The following PPP1R16B variants were observed in gnomAD, a reference collection of about 807,000 sequenced individuals.
PPP1R16B encodes the protein protein phosphatase 1 regulatory subunit 16B, also known as protein phosphatase 1 regulatory inhibitor subunit 16B.
Under a neutral mutation model 61.7 loss-of-function variants are expected in PPP1R16B, and 14 were observed. The ratio of observed to expected loss-of-function variants is 0.23; its 90% CI spans 0.15 to 0.35. PPP1R16B has a LOEUF of 0.35. Among genes scored for constraint, PPP1R16B ranks in the 10% least tolerant of loss-of-function variants. The pLI is 1.00. For missense variants in PPP1R16B, 547 were observed against 752.5 expected (o/e 0.73, Z 3.19); for synonymous variants, 266 against 305.3 (o/e 0.87, Z 1.34).
intron 2 of PPP1R16B, among the ~76,000 whole-genome samples, chr20:38,849,055 T>C (rs1179666387): frequency 6.6e-6 from 1 of 152,250 alleles, no homozygotes; most frequent in African/African-American, 2.4e-5. Flanking sequence ...CACATGTCTC[T>C]GTTAAGCATG....
At chr20:38,874,808 G>A (rs758185117) in intron 2 of PPP1R16B, among the ~76,000 whole-genome samples, 6 of 152,174 alleles carry the variant, frequency 3.9e-5, no homozygotes, top group Non-Finnish European at 8.8e-5. Flanking sequence ...GGGTATTGGA[G>A]CCTCTTACCA....
At position 38,896,157 on chromosome 20, in the gene PPP1R16B, C is replaced by T. The variant is rs1443268693; in HGVS notation, c.467+447C>T. Among the ~76,000 whole-genome samples the T allele has an allele frequency of 1.2e-4, 11 of 92,978 alleles. 1 individual carries two copies. The highest frequency in any genetic ancestry group is 6.8e-4 in the Admixed American group (6 of 8,862). The allele number at this position is 92,978 out of a possible 152,430, so 61.0% of individuals were successfully genotyped here. On this transcript the variant is annotated intron_variant, in intron 4 of 10. Coordinates refer to ENST00000299824, the MANE Select transcript of PPP1R16B (RefSeq NM_015568.4). The stretch of plus-strand genomic sequence containing the variant: ...CTCCCTCCTTTCCTTCTTTCTTCCT[C>T]CCTCCCTTCCTTCCTTCTTTCTTCC...
intron 2 of PPP1R16B, among the ~76,000 whole-genome samples, chr20:38,887,736 G>C (rs139312593): frequency 6.6e-6 from 1 of 152,248 alleles, no homozygotes; most frequent in Non-Finnish European, 1.5e-5. Context: ...GGATCTGACC[G>C]TACTGGACAA....
chr20:38,906,022 C>A lies in PPP1R16B; in HGVS notation c.750C>A (p.Asp250Glu). 6.2e-7 allele frequency: 1 copy of A among 1,613,242 alleles called. No homozygotes were observed. The highest frequency in any genetic ancestry group is 2.2e-5 in the East Asian group (1 of 44,826). The change falls in exon 7 of 11, where the codon GAC becomes GAA. Residue 250 changes from aspartate (D) to glutamate (E), a missense_variant. Asp to Glu is a conservative substitution (Grantham distance 45, BLOSUM62 2). Coordinates refer to ENST00000299824, the MANE Select transcript of PPP1R16B (RefSeq NM_015568.4). ...TGCGGGCAGCTGAGCTCCTCCTGGACCATGGAGTGCGTGTGGATGTGAAGG... is the reference window on the plus strand; with the variant it reads ...TGCGGGCAGCTGAGCTCCTCCTGGAACATGGAGTGCGTGTGGATGTGAAGG... ...GYLRAAELLL[D>E]HGVRVDVKDW...
At chr20:38,879,584 C>A (rs542761566) in intron 2 of PPP1R16B, among the ~76,000 whole-genome samples, 5 of 152,294 alleles carry the variant, frequency 3.3e-5, no homozygotes, top group African/African-American at 1.2e-4. Context: ...TTCATTCAGT[C>A]AACAAATATT....
intron 1 of PPP1R16B, among the ~76,000 whole-genome samples, chr20:38,810,379 C>G (rs576287366): frequency 3.0e-4 from 46 of 152,206 alleles, no homozygotes; most frequent in Non-Finnish European, 5.7e-4. Context: ...TCCCTCTGCA[C>G]CTTCCTTGGA....
intron 1 of PPP1R16B, among the ~76,000 whole-genome samples, chr20:38,807,782 C>T (rs1601224654): frequency 6.6e-6 from 1 of 152,310 alleles, no homozygotes; most frequent in East Asian, 1.9e-4. Context: ...CTGGAACCTT[C>T]CTGGCTCCAG....
chr20:38,823,900 G>C (rs911283908), intron 1 of PPP1R16B, among the ~76,000 whole-genome samples: 2 of 152,104 alleles, frequency 1.3e-5, no homozygotes, highest in African/African-American at 4.8e-5. Context: ...TGCCTCCGTG[G>C]CTCATCTTTC....
At chr20:38,849,904 T>G (rs1380880854) in intron 2 of PPP1R16B, among the ~76,000 whole-genome samples, 1 of 152,174 alleles carries the variant, frequency 6.6e-6, no homozygotes. Flanking sequence ...TTGAGCCCAA[T>G]TATCTACCTG....
At chr20:38,816,346 A>G in intron 1 of PPP1R16B, among the ~76,000 whole-genome samples, 1 of 152,162 alleles carries the variant, frequency 6.6e-6, no homozygotes, top group East Asian at 1.9e-4. Context: ...AAAAATCAGC[A>G]ACCTTGAAGC....
At chr20:38,831,876 A>G (rs1375427403) in intron 1 of PPP1R16B, among the ~76,000 whole-genome samples, 1 of 152,278 alleles carries the variant, frequency 6.6e-6, no homozygotes, top group East Asian at 1.9e-4. Context: ...CAAGTGGCTC[A>G]TCACTGCCAA....
intron 2 of PPP1R16B, among the ~76,000 whole-genome samples, chr20:38,869,838 C>T (rs1243914903): frequency 6.6e-6 from 1 of 151,916 alleles, no homozygotes; most frequent in Non-Finnish European, 1.5e-5. Context: ...CCCTCCCCTG[C>T]AAATCCCTGC....
chr20:38,857,181 T>C (rs544063826), intron 2 of PPP1R16B, among the ~76,000 whole-genome samples: 1 of 152,328 alleles, frequency 6.6e-6, no homozygotes, highest in East Asian at 1.9e-4. Context: ...CACAGTGAAT[T>C]TCCATTATCT....
At position 38,907,324 on chromosome 20, in the gene PPP1R16B, T is replaced by C. The variant is rs900479220; in HGVS notation, c.898+270T>C. 1.4e-5 allele frequency among the ~76,000 whole-genome samples: 2 copies of C among 145,504 alleles called. No individual in the cohort carries two copies. Among genetic ancestry groups the C allele is most frequent in the African/African-American group, 5.6e-5 (2 of 35,464 alleles). ...ATGGGTGGGTGGGTGGATGGATGGATGGATGGATGGATGGATGGATGGATA... is the reference window on the plus strand; with the variant it reads ...ATGGGTGGGTGGGTGGATGGATGGACGGATGGATGGATGGATGGATGGATA... On this transcript the variant is annotated intron_variant, in intron 8 of 10. Coordinates refer to ENST00000299824, the MANE Select transcript of PPP1R16B (RefSeq NM_015568.4). This position sits in a 1 kb window ranked among gnomAD's most constrained non-coding sequence, Gnocchi z 4.5.
At chr20:38,807,379 C>G (rs2084669652) in intron 1 of PPP1R16B, among the ~76,000 whole-genome samples, 1 of 152,148 alleles carries the variant, frequency 6.6e-6, no homozygotes, top group Non-Finnish European at 1.5e-5. Flanking sequence ...TGCAGCAGAG[C>G]GGGAGGATGA....
intron 1 of PPP1R16B, among the ~76,000 whole-genome samples, chr20:38,809,809 G>A (rs766374880): frequency 5.9e-5 from 9 of 151,694 alleles, no homozygotes; most frequent in East Asian, 1.9e-4. Context: ...GCAAAACCCC[G>A]TCTCTACAAA....
At chr20:38,886,944 A>G (rs940626822) in intron 2 of PPP1R16B, among the ~76,000 whole-genome samples, 1 of 152,210 alleles carries the variant, frequency 6.6e-6, no homozygotes, top group Non-Finnish European at 1.5e-5. Context: ...TAGTTATATA[A>G]TTGTAGTTGT....
chr20:38,873,730 A>G (rs548543456), intron 2 of PPP1R16B, among the ~76,000 whole-genome samples: 17 of 140,488 alleles, frequency 1.2e-4, no homozygotes, highest in African/African-American at 3.7e-4. Flanking sequence ...AGAAGCTGAA[A>G]CATCTTTTTT....
intron 7 of PPP1R16B, 77 bp from the exon 8 acceptor site, chr20:38,906,902 C>A (rs746800449): frequency 8.1e-7 from 1 of 1,234,624 alleles, no homozygotes; most frequent in Non-Finnish European, 1.2e-6. Context: ...TCCTAAGAGG[C>A]CTTGGGCACT....
Sources: gnomAD v4.1 joint callset for allele counts (sites outside exome capture counted in the v4.1 genomes callset) on GRCh38, gnomAD v4.1.1 for gene constraint, Gnocchi (gnomAD v3.1) non-coding constraint, MANE v1.5 for transcripts, NCBI Gene and HGNC (gene_info 2026-07-23, HGNC 2026-07-21) for gene names.